Variants in MBTD1 observed in about 807,000 individuals in gnomAD.
The protein encoded by MBTD1 is mbt domain containing 1.
MBTD1 carries 24 observed loss-of-function variants against 87.8 expected under a neutral mutation model. The ratio of observed to expected loss-of-function variants is 0.27; its 90% CI spans 0.20 to 0.38. The LOEUF (loss-of-function observed/expected upper bound fraction) is 0.38, where lower values mean the gene tolerates loss of function less well. MBTD1 is among the 10% of genes least tolerant of loss of function. The pLI is 1.00. For missense variants in MBTD1, 436 were observed against 760.2 expected (o/e 0.57, Z 5.02); for synonymous variants, 237 against 248.6 (o/e 0.95, Z 0.44).
chr17:51,225,200 A>G lies in MBTD1; in HGVS notation c.-39T>C. 6.6e-7 allele frequency: 1 copy of G among 1,510,998 alleles called. No homozygotes were observed. Among genetic ancestry groups the G allele is most frequent in the Non-Finnish European group, 8.9e-7 (1 of 1,125,930 alleles). 93.6% of individuals were successfully genotyped at this position (1,510,998 alleles called of 1,614,324 possible). On this transcript the variant is annotated 5_prime_UTR_variant, in exon 3 of 17. Coordinates refer to ENST00000586178, the MANE Select transcript of MBTD1 (RefSeq NM_017643.3). ...CTTCTTTTCCTTTCAGATCGTGAAG[A>G]ATGTTCAGTCTTTGAAGTAAGAGAA... is the stretch of plus-strand genomic sequence containing the variant.
intron 6 of MBTD1, among the ~76,000 whole-genome samples, chr17:51,216,211 C>G (rs972120849): frequency 6.6e-6 from 1 of 152,062 alleles, no homozygotes; most frequent in African/African-American, 2.4e-5. Flanking sequence ...GGATTACAGG[C>G]GTGAGCCACC....
At chr17:51,253,491 T>C (rs993506081) in intron 2 of MBTD1, among the ~76,000 whole-genome samples, 1 of 152,112 alleles carries the variant, frequency 6.6e-6, no homozygotes, top group African/African-American at 2.4e-5. Flanking sequence ...ATATATAGTA[T>C]AATAAAATAT....
intron 16 of MBTD1, among the ~76,000 whole-genome samples, chr17:51,181,973 A>G (rs932590028): frequency 6.6e-6 from 1 of 151,782 alleles, no homozygotes; most frequent in Non-Finnish European, 1.5e-5. Context: ...AATTTAAAGA[A>G]CAGATGAGGT....
At chr17:51,220,959 A>G (rs8073586) in intron 3 of MBTD1, among the ~76,000 whole-genome samples, 286 of 152,310 alleles carry the variant, frequency 1.9e-3, no homozygotes, top group African/African-American at 6.6e-3. Flanking sequence ...GGATTCCTTC[A>G]AGTTATGTTT....
At chr17:51,217,273 T>C (rs2052623523) in intron 6 of MBTD1, 61 bp downstream of exon 6, 1 of 933,756 alleles carries the variant, frequency 1.1e-6, no homozygotes. Context: ...GGTGTTATTG[T>C]ACCTTCAGAT....
At chr17:51,187,126 G>A (rs1055656815) in intron 16 of MBTD1, among the ~76,000 whole-genome samples, 1 of 151,848 alleles carries the variant, frequency 6.6e-6, no homozygotes, top group Non-Finnish European at 1.5e-5. Context: ...GATTTATTCT[G>A]AAACAAATTT....
At chr17:51,241,012 G>A (rs1412954918) in intron 2 of MBTD1, among the ~76,000 whole-genome samples, 2 of 151,822 alleles carry the variant, frequency 1.3e-5, no homozygotes, top group Non-Finnish European at 2.9e-5. Flanking sequence ...GGGTCTCCCA[G>A]GCTGCACCCA....
At chr17:51,260,879 G>A (rs1254163490), upstream of MBTD1, 3 of 1,601,090 alleles carry the variant, frequency 1.9e-6, no homozygotes, top group Non-Finnish European at 2.6e-6. Flanking sequence ...CTTCGGCGAC[G>A]TCGAGAACGA....
chr17:51,190,446 C>CA (rs1689757048), intron 16 of MBTD1, among the ~76,000 whole-genome samples: 1 of 151,872 alleles, frequency 6.6e-6, no homozygotes, highest in Non-Finnish European at 1.5e-5. Context: ...TGGCCAGACT[C>CA]AGAGGATCAC....
chr17:51,235,138 AT>A (rs71149357), intron 2 of MBTD1, among the ~76,000 whole-genome samples: 17 of 150,844 alleles, frequency 1.1e-4, no homozygotes, highest in African/African-American at 2.7e-4. Context: ...ATAGGATGCA[AT>A]TTTTTTTTTC....
At chr17:51,209,376 C>A (rs1027400187) in intron 6 of MBTD1, 3 of 471,188 alleles carry the variant, frequency 6.4e-6, no homozygotes, top group Non-Finnish European at 1.3e-5. Flanking sequence ...ATCTGCTCCA[C>A]CACTTCCTGC....
chr17:51,227,444 C>T (rs981878992), intron 2 of MBTD1, among the ~76,000 whole-genome samples: 2 of 151,952 alleles, frequency 1.3e-5, no homozygotes. Context: ...ACCTGTGGTC[C>T]CAGCTACTTG....
intron 2 of MBTD1, among the ~76,000 whole-genome samples, chr17:51,248,308 T>A (rs2054569017): frequency 6.6e-6 from 1 of 152,250 alleles, no homozygotes; most frequent in Admixed American, 6.5e-5. Context: ...TTCATTTATG[T>A]AAGTGTTTAG....
At chr17:51,203,436 A>G (rs2051611198) in intron 8 of MBTD1, among the ~76,000 whole-genome samples, 1 of 151,856 alleles carries the variant, frequency 6.6e-6, no homozygotes, top group Non-Finnish European at 1.5e-5. Flanking sequence ...TTTTTTTGAG[A>G]TGGAGTCTCG....
chr17:51,181,088 C>T (rs1293531880), intron 16 of MBTD1, among the ~76,000 whole-genome samples: 2 of 145,038 alleles, frequency 1.4e-5, no homozygotes, highest in African/African-American at 5.1e-5. Context: ...GTGGAGTGAA[C>T]TCGGCTTACT....
At chr17:51,246,864 T>C (rs2144122380) in intron 2 of MBTD1, among the ~76,000 whole-genome samples, 1 of 152,258 alleles carries the variant, frequency 6.6e-6, no homozygotes, top group South Asian at 2.1e-4. Context: ...GGTCTTGAAC[T>C]CCTGACCTCA....
chr17:51,235,020 T>A (rs184969413), intron 2 of MBTD1, among the ~76,000 whole-genome samples: 170 of 152,166 alleles, frequency 1.1e-3, no homozygotes, highest in African/African-American at 3.9e-3. Context: ...TCTAGAATAT[T>A]GAATAGGATG....
intron 6 of MBTD1, among the ~76,000 whole-genome samples, chr17:51,210,614 G>T (rs2052131354): frequency 6.6e-6 from 1 of 151,978 alleles, no homozygotes; most frequent in Non-Finnish European, 1.5e-5. Flanking sequence ...AAATTAGCTG[G>T]GTATGGTGGC....
intron 7 of MBTD1, among the ~76,000 whole-genome samples, chr17:51,205,134 G>T (rs918336347): frequency 6.6e-6 from 1 of 152,188 alleles, no homozygotes; most frequent in Non-Finnish European, 1.5e-5. Flanking sequence ...GCCAATATAT[G>T]TGTATTTCAG....
Sources: gnomAD v4.1 joint callset for allele counts (sites outside exome capture counted in the v4.1 genomes callset) on GRCh38, gnomAD v4.1.1 for gene constraint, MANE v1.5 for transcripts, NCBI Gene and HGNC (gene_info 2026-07-23, HGNC 2026-07-21) for gene names.